RIT2: variants seen among roughly 807,000 people sequenced by gnomAD.
RIT2 encodes Ras like without CAAX 2.
Under a neutral mutation model 23.7 loss-of-function variants are expected in RIT2, and 24 were observed. The observed-to-expected ratio is 1.01, with a 90% CI of 0.73 to 1.43. RIT2 has a LOEUF of 1.43. Among genes scored for constraint, RIT2 ranks in the 40% most tolerant of loss-of-function variants. RIT2 has a pLI of 0.00. For missense variants in RIT2, 236 were observed against 266.9 expected, an observed-to-expected ratio of 0.88 and a Z score of 0.81; for synonymous variants, 107 against 91.1, an observed-to-expected ratio of 1.17 and a Z score of -0.99.
chr18:43,014,506 G>C (rs1911426620), intron 2 of RIT2, among the ~76,000 whole-genome samples: 1 of 151,636 alleles, frequency 6.6e-6, no homozygotes, highest in Admixed American at 6.6e-5. Context: ...GTGAACATAT[G>C]ATCATATCTG....
intron 1 of RIT2, among the ~76,000 whole-genome samples, chr18:43,047,246 CA>C (rs1482203237): frequency 6.6e-6 from 1 of 151,720 alleles, no homozygotes; most frequent in Non-Finnish European, 1.5e-5. Context: ...TCCGCTTTTT[CA>C]CTCATTTTGT....
At chr18:42,845,148 GTAATT>G (rs1906873327) in intron 4 of RIT2, among the ~76,000 whole-genome samples, 1 of 151,934 alleles carries the variant, frequency 6.6e-6, no homozygotes, top group African/African-American at 2.4e-5. Context: ...AGATTTAGTA[GTAATT>G]GGCATATTGA....
intron 1 of RIT2, among the ~76,000 whole-genome samples, chr18:43,095,276 T>A (rs1486286989): frequency 2.0e-5 from 3 of 152,126 alleles, no homozygotes; most frequent in Admixed American, 6.6e-5. Context: ...AGATGTTATC[T>A]CATTGTGGTT....
chr18:43,033,099 A>C (rs1483952114), intron 2 of RIT2, among the ~76,000 whole-genome samples: 1 of 152,188 alleles, frequency 6.6e-6, no homozygotes, highest in African/African-American at 2.4e-5. Context: ...TGTTTCTGAC[A>C]AAGAGTACTA....
At chr18:42,748,174 CCA>C (rs1218424816) in intron 4 of RIT2, among the ~76,000 whole-genome samples, 1 of 151,768 alleles carries the variant, frequency 6.6e-6, no homozygotes, top group African/African-American at 2.4e-5. Context: ...AAGAAAATCT[CCA>C]GAGTCTATAC....
At chr18:42,953,389 C>T (rs1197345611) in intron 3 of RIT2, among the ~76,000 whole-genome samples, 1 of 151,990 alleles carries the variant, frequency 6.6e-6, no homozygotes, top group Non-Finnish European at 1.5e-5. Flanking sequence ...AAAAATGAGC[C>T]ATCTCAGTGG....
chr18:42,950,678 AAACTT>A (rs1909829108), intron 3 of RIT2, among the ~76,000 whole-genome samples: 2 of 151,936 alleles, frequency 1.3e-5, no homozygotes, highest in Non-Finnish European at 2.9e-5. Flanking sequence ...AGTCTATAAA[AAACTT>A]AAATAACTCA....
At chr18:43,070,202 C>T (rs1351287669) in intron 1 of RIT2, among the ~76,000 whole-genome samples, 1 of 152,096 alleles carries the variant, frequency 6.6e-6, no homozygotes, top group East Asian at 1.9e-4. Context: ...TTTAAGGAAG[C>T]ATATCACCAT....
intron 1 of RIT2, among the ~76,000 whole-genome samples, chr18:43,034,512 T>C (rs1911931668): frequency 1.3e-5 from 2 of 152,296 alleles, no homozygotes; most frequent in South Asian, 2.1e-4. Flanking sequence ...TATTTCCTCA[T>C]GTGAATTTCC....
chr18:43,037,633 A>AT (rs199520669), intron 1 of RIT2, among the ~76,000 whole-genome samples: 1 of 151,632 alleles, frequency 6.6e-6, no homozygotes, highest in Non-Finnish European at 1.5e-5. Context: ...TCAATTACCT[A>AT]TTTTTTTTCA....
chr18:42,964,396 T>C (rs983244636), intron 3 of RIT2, among the ~76,000 whole-genome samples: 1 of 151,812 alleles, frequency 6.6e-6, no homozygotes, highest in Non-Finnish European at 1.5e-5. Flanking sequence ...ACAAGGAAAT[T>C]CCTAGTGAGC....
At chr18:43,011,718 C>T (rs920261793) in intron 2 of RIT2, among the ~76,000 whole-genome samples, 24 of 151,742 alleles carry the variant, frequency 1.6e-4, no homozygotes, top group Non-Finnish European at 3.4e-4. Context: ...AAACATCCCT[C>T]TACAGTTATT....
At chr18:43,041,028 A>G (rs1436172523) in intron 1 of RIT2, among the ~76,000 whole-genome samples, 1 of 152,124 alleles carries the variant, frequency 6.6e-6, no homozygotes, top group African/African-American at 2.4e-5. Context: ...ATGTATAATT[A>G]TATTTATTGC....
At chr18:43,093,988 G>C (rs1190963043) in intron 1 of RIT2, among the ~76,000 whole-genome samples, 1 of 151,938 alleles carries the variant, frequency 6.6e-6, no homozygotes, top group Non-Finnish European at 1.5e-5. Flanking sequence ...ACAGAATTTG[G>C]AGAGAGGAGC....
At chr18:42,784,286 A>AC (rs1491559074) in intron 4 of RIT2, among the ~76,000 whole-genome samples, 1 of 146,898 alleles carries the variant, frequency 6.8e-6, no homozygotes, top group Non-Finnish European at 1.5e-5. Flanking sequence ...AAAAAAAAAA[A>AC]TTAATCTTAA....
chr18:42,747,898 T>C (rs1285223930), intron 4 of RIT2, among the ~76,000 whole-genome samples: 3 of 151,998 alleles, frequency 2.0e-5, no homozygotes, highest in African/African-American at 7.2e-5. Context: ...TCAAGATGGA[T>C]AAAGGACTTA....
At chr18:42,854,579 C>A (rs1907135984) in intron 4 of RIT2, among the ~76,000 whole-genome samples, 1 of 152,122 alleles carries the variant, frequency 6.6e-6, no homozygotes, top group African/African-American at 2.4e-5. Context: ...TTAACTTGGC[C>A]TTTGGAACCG....
intron 1 of RIT2, among the ~76,000 whole-genome samples, chr18:43,072,174 C>T (rs185989524): frequency 3.5e-4 from 53 of 151,918 alleles, no homozygotes; most frequent in African/African-American, 1.1e-3. Context: ...TTAGTAGAGA[C>T]GGGGTTTTAC....
intron 4 of RIT2, among the ~76,000 whole-genome samples, chr18:42,761,734 G>A (rs1237965923): frequency 6.6e-6 from 1 of 152,162 alleles, no homozygotes; most frequent in African/African-American, 2.4e-5. Flanking sequence ...CTGGAGTGCA[G>A]TGGCACGATC....
Sources: gnomAD v4.1 joint callset for allele counts (sites outside exome capture counted in the v4.1 genomes callset) on GRCh38, gnomAD v4.1.1 for gene constraint, MANE v1.5 for transcripts, NCBI Gene and HGNC (gene_info 2026-07-23, HGNC 2026-07-21) for gene names.